Variants in EPHA6 observed in about 807,000 individuals in gnomAD.
The protein encoded by EPHA6 is ephrin type-A receptor 6.
In EPHA6, 50 loss-of-function variants were observed where a neutral mutation model predicts 112.0. The observed-to-expected ratio is 0.45, with a 90% confidence interval of 0.36 to 0.56. EPHA6 has a LOEUF of 0.56. Ranked by LOEUF, EPHA6 falls within the 20% of genes least tolerant of loss-of-function variation. The pLI, the probability that EPHA6 is intolerant of heterozygous loss-of-function variation, is 0.00. For synonymous variants in EPHA6, 529 were observed against 490.7 expected (o/e 1.08, Z -1.03); for missense variants, 1,280 against 1,417.4 (o/e 0.90, Z 1.56).
intron 13 of EPHA6, among the ~76,000 whole-genome samples, chr3:97,611,333 A>G (rs543918727): frequency 4.2e-4 from 64 of 152,002 alleles, no homozygotes; most frequent in African/African-American, 1.4e-3. Flanking sequence ...TTGGCTGACT[A>G]TTCAGAAAAC....
At position 97,003,665 on chromosome 3, in the gene EPHA6, A is replaced by C. The variant is rs77213370; in HGVS notation, c.1114+15672A>C. Among the ~76,000 whole-genome samples the C allele has an allele frequency of 1.0e-3, 156 of 151,920 alleles. 1 individual carries two copies. In the East Asian group the frequency reaches 0.026, roughly 25 times the overall value. ...TGCTTTCCTATTTCTTTTTTTCTTTATTTCTTCTTCAAAAAGAAAAGGGGG... is the reference window on the plus strand; with the variant it reads ...TGCTTTCCTATTTCTTTTTTTCTTTCTTTCTTCTTCAAAAAGAAAAGGGGG... On this transcript the variant is annotated intron_variant, in intron 3 of 17. Coordinates refer to ENST00000389672, the MANE Select transcript of EPHA6 (RefSeq NM_001080448.3).
intron 3 of EPHA6, among the ~76,000 whole-genome samples, chr3:97,200,030 A>G (rs1213894374): frequency 6.6e-6 from 1 of 152,110 alleles, no homozygotes; most frequent in Non-Finnish European, 1.5e-5. Context: ...ATAGAGCAGC[A>G]TTTGCAAAGG....
intron 7 of EPHA6, among the ~76,000 whole-genome samples, chr3:97,460,652 C>A (rs1196396806): frequency 6.6e-6 from 1 of 152,184 alleles, no homozygotes; most frequent in South Asian, 2.1e-4. Flanking sequence ...CCAAAAGAAG[C>A]TACATGCCCC....
chr3:97,742,257 T>C (rs185731904), intron 16 of EPHA6, among the ~76,000 whole-genome samples: 3 of 152,268 alleles, frequency 2.0e-5, no homozygotes, highest in African/African-American at 7.2e-5. Flanking sequence ...TGCCAATGAA[T>C]TGCAGTTGGC....
chr3:96,985,285 G>T (rs760759817), intron 2 of EPHA6, among the ~76,000 whole-genome samples: 21 of 152,076 alleles, frequency 1.4e-4, no homozygotes, highest in Non-Finnish European at 2.2e-4. Context: ...CCTGAGAAGT[G>T]AAATCAATTG....
chr3:97,274,140 A>G (rs2079986792), intron 5 of EPHA6, among the ~76,000 whole-genome samples: 1 of 152,204 alleles, frequency 6.6e-6, no homozygotes, highest in South Asian at 2.1e-4. Flanking sequence ...TTATGAAATG[A>G]TGACAGAATA....
At chr3:97,097,966 C>T (rs753835943) in intron 3 of EPHA6, among the ~76,000 whole-genome samples, 2 of 151,770 alleles carry the variant, frequency 1.3e-5, no homozygotes, top group African/African-American at 2.4e-5. Context: ...TTGCAAAAAT[C>T]GTAGAGAATG....
chr3:96,909,984 G>C (rs1244855896), intron 2 of EPHA6, among the ~76,000 whole-genome samples: 1 of 151,948 alleles, frequency 6.6e-6, no homozygotes, highest in East Asian at 1.9e-4. Context: ...GGCCATTTGT[G>C]CTTGCATAGT....
At chr3:97,459,165 TG>T (rs1372369306) in intron 7 of EPHA6, among the ~76,000 whole-genome samples, 1 of 152,234 alleles carries the variant, frequency 6.6e-6, no homozygotes, top group African/African-American at 2.4e-5. Context: ...GAACAGTATC[TG>T]TGCAAGTGTA....
chr3:97,360,166 C>G (rs529134132), intron 5 of EPHA6, among the ~76,000 whole-genome samples: 2 of 152,190 alleles, frequency 1.3e-5, no homozygotes, highest in Non-Finnish European at 2.9e-5. Flanking sequence ...GCACCAGGAA[C>G]AAGTGCACAG....
At chr3:97,009,763 A>G (rs1175603096) in intron 3 of EPHA6, among the ~76,000 whole-genome samples, 1 of 152,180 alleles carries the variant, frequency 6.6e-6, no homozygotes, top group Non-Finnish European at 1.5e-5. Flanking sequence ...CATGGGTTGC[A>G]CAGTTCCACA....
intron 5 of EPHA6, among the ~76,000 whole-genome samples, chr3:97,364,728 G>A (rs2084617234): frequency 1.3e-5 from 2 of 152,052 alleles, no homozygotes; most frequent in African/African-American, 4.8e-5. Context: ...TAAATAATGT[G>A]TGATTTATTT....
chr3:97,505,721 GT>G (rs918995540), intron 10 of EPHA6, among the ~76,000 whole-genome samples: 3 of 152,126 alleles, frequency 2.0e-5, no homozygotes, highest in African/African-American at 7.2e-5. Flanking sequence ...GGATTGCTGG[GT>G]CAAATGGTAT....
At chr3:97,606,412 T>C (rs964274004) in intron 12 of EPHA6, among the ~76,000 whole-genome samples, 2 of 151,326 alleles carry the variant, frequency 1.3e-5, no homozygotes, top group African/African-American at 2.4e-5. Flanking sequence ...ACAGATTTTA[T>C]GTAGAATCAA....
chr3:97,259,803 C>A (rs936987828), intron 5 of EPHA6, among the ~76,000 whole-genome samples: 1 of 138,658 alleles, frequency 7.2e-6, no homozygotes, highest in Non-Finnish European at 1.5e-5. Context: ...GAAAGTATAC[C>A]TTTTTTTTTT....
intron 16 of EPHA6, among the ~76,000 whole-genome samples, chr3:97,741,790 T>C (rs1202069677): frequency 6.6e-6 from 1 of 152,146 alleles, no homozygotes; most frequent in Non-Finnish European, 1.5e-5. Context: ...CATTTCCAGA[T>C]AGATTTTATC....
rs887212252 is a variant in EPHA6, at chr3:97,343,462, A to G, written c.1607-61688A>G. Among the ~76,000 whole-genome samples the G allele has an allele frequency of 3.9e-5, 6 of 152,354 alleles. No homozygotes were observed. The South Asian group carries it at 1.2e-3, about 32-fold the overall frequency. ...GAAGATGGAATTGTTAGGCAAAAATAAATTAGAACTTAAAGATTCTAAATC... is the reference window on the plus strand; with the variant it reads ...GAAGATGGAATTGTTAGGCAAAAATGAATTAGAACTTAAAGATTCTAAATC... On this transcript the variant is annotated intron_variant, in intron 5 of 17. Transcript: ENST00000389672.
At chr3:97,333,262 C>T (rs920646971) in intron 5 of EPHA6, among the ~76,000 whole-genome samples, 1 of 151,826 alleles carries the variant, frequency 6.6e-6, no homozygotes, top group African/African-American at 2.4e-5. Flanking sequence ...TTGGTTTATA[C>T]ATGTTTATTG....
chr3:97,229,392 G>A (rs984745104), intron 4 of EPHA6, among the ~76,000 whole-genome samples: 4 of 152,216 alleles, frequency 2.6e-5, no homozygotes, highest in Middle Eastern at 3.4e-3. Flanking sequence ...TTTGATTTTT[G>A]TATCAGGTGA....
Sources: allele counts gnomAD v4.1 joint callset (sites outside exome capture counted in the v4.1 genomes callset), GRCh38; gene constraint gnomAD v4.1.1; transcripts MANE v1.5; gene names NCBI Gene and HGNC (gene_info 2026-07-23, HGNC 2026-07-21).